CDH4: variants seen among roughly 807,000 people sequenced by gnomAD.
CDH4 encodes cadherin 4, also known as cadherin-4.
In CDH4, 33 loss-of-function variants were observed where a neutral mutation model predicts 86.0. The observed-to-expected ratio is 0.38, with a 90% CI of 0.29 to 0.51. CDH4 has a LOEUF of 0.51. Among genes scored for constraint, CDH4 ranks in the 20% least tolerant of loss-of-function variants. The pLI is 0.86. For synonymous variants in CDH4, 555 were observed against 549.4 expected, an observed-to-expected ratio of 1.01 and a Z score of -0.14; for missense variants, 1,114 against 1,307.4, an observed-to-expected ratio of 0.85 and a Z score of 2.28.
At chr20:61,816,688 T>TG (rs150549926) in intron 4 of CDH4, among the ~76,000 whole-genome samples, 59,618 of 143,806 alleles carry the variant, frequency 0.41, 14,446 homozygotes, top group Non-Finnish European at 0.56. Flanking sequence ...GCACGTTAAA[T>TG]GGGGGGGGGC....
chr20:61,554,059 G>A (rs924730792), intron 2 of CDH4, among the ~76,000 whole-genome samples: 1 of 152,202 alleles, frequency 6.6e-6, no homozygotes, highest in East Asian at 1.9e-4. Flanking sequence ...GCAGGGGCAG[G>A]TTCTCCCCCA....
intron 2 of CDH4, among the ~76,000 whole-genome samples, chr20:61,523,382 G>A (rs927118090): frequency 2.6e-5 from 4 of 152,358 alleles, no homozygotes; most frequent in East Asian, 1.9e-4. Flanking sequence ...TGATGATTGC[G>A]TGGCATGGCG....
chr20:61,829,286 G>C lies in CDH4; in HGVS notation c.577-15382G>C, dbSNP rs80070434. ...GTGGGGTTTGTGTCCGGCTTCTTTC[G>C]CTGAGCATAATGTTTTCAAGGTTCA... On this transcript the variant is annotated intron_variant, in intron 4 of 15. Transcript: ENST00000614565. The surrounding 1 kb of genome is among the most constrained non-coding windows in gnomAD (Gnocchi z 4.2). 6.6e-6 allele frequency among the ~76,000 whole-genome samples: 1 copy of C among 152,206 alleles called. No individual in the cohort carries two copies. The highest frequency in any genetic ancestry group is 1.5e-5 in the Non-Finnish European group (1 of 68,042).
chr20:61,601,442 T>TCACCTG (rs2086599930), intron 2 of CDH4, among the ~76,000 whole-genome samples: 3 of 152,064 alleles, frequency 2.0e-5, no homozygotes, highest in Admixed American at 2.0e-4. Flanking sequence ...CCCACACCCC[T>TCACCTG]CACCTGTGCC....
rs1404329637 is a variant in CDH4 at position 61,923,720 on chromosome 20, A to G, written c.1628+16A>G. The G allele has an allele frequency of 1.2e-6, 2 of 1,609,916 alleles. No individual in the cohort carries two copies. Among genetic ancestry groups the G allele is most frequent in the Non-Finnish European group, 1.7e-6 (2 of 1,178,750 alleles). Reference sequence around the variant, plus strand: ...AGGCTGTGAGGTGGGTGCACAGGACATGCCTCGTCCCTGCCTGCAGCTTCC... The same window carrying G: ...AGGCTGTGAGGTGGGTGCACAGGACGTGCCTCGTCCCTGCCTGCAGCTTCC... On this transcript the variant is annotated intron_variant, in intron 10 of 15. Coordinates refer to ENST00000614565, the MANE Select transcript of CDH4 (RefSeq NM_001794.5).
intron 2 of CDH4, among the ~76,000 whole-genome samples, chr20:61,441,658 G>A (rs1045479507): frequency 1.3e-5 from 2 of 152,158 alleles, no homozygotes; most frequent in African/African-American, 2.4e-5. Context: ...TGCCTGGCCC[G>A]TCTTCCATGT....
intron 2 of CDH4, among the ~76,000 whole-genome samples, chr20:61,364,756 G>C (rs771062248): frequency 8.5e-5 from 13 of 152,346 alleles, no homozygotes; most frequent in Non-Finnish European, 1.5e-4. Flanking sequence ...AATAGATCTG[G>C]TTTCAAACCC....
chr20:61,287,447 T>A (rs1314217868), intron 2 of CDH4, among the ~76,000 whole-genome samples: 2 of 151,954 alleles, frequency 1.3e-5, no homozygotes, highest in African/African-American at 4.8e-5. Flanking sequence ...TGCACCCCAG[T>A]CTGGGTGACA....
chr20:61,671,964 A>T (rs1469042226), intron 2 of CDH4, among the ~76,000 whole-genome samples: 1 of 150,070 alleles, frequency 6.7e-6, no homozygotes, highest in Non-Finnish European at 1.5e-5. Context: ...TGTATGGTTG[A>T]ATAAGCGGGT....
chr20:61,291,428 G>T (rs1277511260), intron 2 of CDH4, among the ~76,000 whole-genome samples: 1 of 152,218 alleles, frequency 6.6e-6, no homozygotes. Flanking sequence ...GTGGCAGGAG[G>T]TCACATCTTA....
intron 2 of CDH4, among the ~76,000 whole-genome samples, chr20:61,699,392 AG>A (rs1326754474): frequency 5.3e-5 from 8 of 152,138 alleles, no homozygotes; most frequent in Non-Finnish European, 1.2e-4. Flanking sequence ...GGCTAGTGAC[AG>A]GGCCACGGTT....
intron 2 of CDH4, among the ~76,000 whole-genome samples, chr20:61,594,411 C>A (rs1168529177): frequency 6.6e-6 from 1 of 152,098 alleles, no homozygotes; most frequent in Non-Finnish European, 1.5e-5. Context: ...CCCCACCGGG[C>A]CCACCTGGGT....
intron 2 of CDH4, among the ~76,000 whole-genome samples, chr20:61,329,478 G>GTGCTGC (rs1439950765): frequency 2.8e-4 from 24 of 86,934 alleles, no homozygotes; most frequent in South Asian, 8.0e-4. Flanking sequence ...AGGTGGCTGT[G>GTGCTGC]AGTGGCTCTT....
At chr20:61,882,822 GC>G (rs1984344564) in intron 7 of CDH4, among the ~76,000 whole-genome samples, 1 of 143,246 alleles carries the variant, frequency 7.0e-6, no homozygotes, top group Admixed American at 7.1e-5. Context: ...GGCCGCCCCA[GC>G]CCCCCGCCCC....
intron 2 of CDH4, among the ~76,000 whole-genome samples, chr20:61,350,866 C>CT (rs11086736): frequency 0.7 from 106,828 of 151,910 alleles, 37,915 homozygotes; most frequent in African/African-American, 0.78. Flanking sequence ...CGCATGCTGC[C>CT]TTTTTTTTAT....
intron 2 of CDH4, among the ~76,000 whole-genome samples, chr20:61,556,698 C>T (rs967164405): frequency 1.1e-4 from 16 of 152,218 alleles, no homozygotes; most frequent in Admixed American, 4.6e-4. Flanking sequence ...CGTGTAAGCC[C>T]GCGTGCTTCT....
chr20:61,408,096 C>T (rs2085094099), intron 2 of CDH4, among the ~76,000 whole-genome samples: 1 of 152,174 alleles, frequency 6.6e-6, no homozygotes, highest in Non-Finnish European at 1.5e-5. Context: ...TGCCTTGCCC[C>T]ACTCCGACCT....
Position 61,576,560 on chromosome 20 carries a change from G to T in CDH4, c.170-167003G>T, listed in dbSNP as rs73136696. ...GTACCACTGCATCCCCTCCCTGACCGGAGGCAGACATCACTAATCGATCCC... is the reference window on the plus strand; with the variant it reads ...GTACCACTGCATCCCCTCCCTGACCTGAGGCAGACATCACTAATCGATCCC... On this transcript the variant is annotated intron_variant, in intron 2 of 15. Coordinates refer to ENST00000614565, the MANE Select transcript of CDH4 (RefSeq NM_001794.5). Among the ~76,000 whole-genome samples, 517 of 152,128 alleles carry T rather than the reference G, an allele frequency of 3.4e-3. 6 individuals carry two copies. The highest frequency in any genetic ancestry group is 0.012 in the African/African-American group (488 of 41,450).
intron 9 of CDH4, among the ~76,000 whole-genome samples, chr20:61,912,949 G>A (rs952137025): frequency 2.0e-5 from 3 of 152,232 alleles, no homozygotes; most frequent in African/African-American, 7.2e-5. Context: ...CTCATGGGAA[G>A]GTGATGGAGA....
Sources: gnomAD v4.1 joint callset for allele counts (sites outside exome capture counted in the v4.1 genomes callset) on GRCh38, gnomAD v4.1.1 for gene constraint, Gnocchi (gnomAD v3.1) non-coding constraint, MANE v1.5 for transcripts, NCBI Gene and HGNC (gene_info 2026-07-23, HGNC 2026-07-21) for gene names.